Variants in GGH observed in about 807,000 individuals in gnomAD.
GGH encodes gamma-glutamyl hydrolase, also known as gamma-Glu-X carboxypeptidase.
A neutral mutation model predicts 39.2 loss-of-function variants in GGH; 18 were observed. The observed-to-expected ratio is 0.46, with a 90% confidence interval of 0.32 to 0.68. The LOEUF (loss-of-function observed/expected upper bound fraction) is 0.68, where lower values mean the gene tolerates loss of function less well. Among genes scored for constraint, GGH ranks in the 30% least tolerant of loss-of-function variants. The probability of loss-of-function intolerance (pLI) is 0.04; values close to 1 mark genes in which losing one functional copy is unlikely to be tolerated. For synonymous variants in GGH, 147 were observed against 138.8 expected (o/e 1.06, Z -0.42); for missense variants, 367 against 384.1 (o/e 0.96, Z 0.37).
At chr8:63,036,256 T>A (rs1425385915) in intron 1 of GGH, among the ~76,000 whole-genome samples, 3 of 152,182 alleles carry the variant, frequency 2.0e-5, no homozygotes, top group African/African-American at 7.2e-5. Flanking sequence ...AAGGTCTTGT[T>A]ATATCTTTTC....
intron 8 of GGH, among the ~76,000 whole-genome samples, chr8:63,016,584 C>T (rs985083525): frequency 2.6e-5 from 4 of 152,182 alleles, no homozygotes; most frequent in African/African-American, 9.7e-5. Context: ...TTAACGTCAT[C>T]GATAGGTTCT....
At chr8:63,019,072 A>G (rs1804539898) in intron 7 of GGH, among the ~76,000 whole-genome samples, 1 of 152,204 alleles carries the variant, frequency 6.6e-6, no homozygotes, top group Non-Finnish European at 1.5e-5. Context: ...TGAAGCTTGG[A>G]TGGAAGAATG....
chr8:63,029,809 A>G (rs763500223), intron 3 of GGH, among the ~76,000 whole-genome samples: 1 of 152,136 alleles, frequency 6.6e-6, no homozygotes, highest in Non-Finnish European at 1.5e-5. Context: ...AAAAAAATCA[A>G]CATCCTCAGA....
rs1042931221 is a variant in GGH, at chr8:63,034,029, T to C, written c.224+1627A>G. Reference sequence around the variant, plus strand: ...TCTCCTTATATATATATATAATATATATAAAAATATATATATATTTTTATA... The same window carrying C: ...TCTCCTTATATATATATATAATATACATAAAAATATATATATATTTTTATA... On this transcript the variant is annotated intron_variant, in intron 2 of 8. Coordinates refer to ENST00000260118, the MANE Select transcript of GGH (RefSeq NM_003878.3). Among the ~76,000 whole-genome samples, 4 of 146,318 alleles carry C rather than the reference T, an allele frequency of 2.7e-5. No homozygotes were observed. The East Asian group carries it at 7.8e-4, about 29-fold the overall frequency.
At position 63,023,912 on chromosome 8, in the gene GGH, A is replaced by C. The variant is rs1804638689; in HGVS notation, c.692T>G (p.Met231Arg). ...TDGKIEFIST[M>R]EGYKYPVYGV... Reference sequence around the variant, plus strand: ...TACATGTTATAGTGATATACCTTCCATTGTTGAAATAAACTCAATCTTGCC... The same window carrying C: ...TACATGTTATAGTGATATACCTTCCCTTGTTGAAATAAACTCAATCTTGCC... Residue 231 changes from methionine to arginine, a missense_variant, in exon 7 of 9, where the codon ATG (methionine) becomes AGG (arginine). Coordinates refer to ENST00000260118, the MANE Select transcript of GGH (RefSeq NM_003878.3). 6.4e-7 allele frequency: 1 copy of C among 1,569,792 alleles called. No individual in the cohort carries two copies. The highest frequency in any genetic ancestry group is 1.4e-5 in the African/African-American group (1 of 73,334).
chr8:63,022,478 C>G (rs1456969859), intron 7 of GGH, among the ~76,000 whole-genome samples: 1 of 147,118 alleles, frequency 6.8e-6, no homozygotes, highest in African/African-American at 2.6e-5. Flanking sequence ...ATCTTCTATT[C>G]TAGTTCATTA....
Position 63,027,250 on chromosome 8 carries a change from T to C in GGH, c.291A>G (p.Gly97=), listed in dbSNP as rs147855753. The change falls in exon 4 of 9, where the codon GGA becomes GGG. Residue 97 remains glycine, a synonymous_variant. Transcript: ENST00000260118. ...FKSINGILFP[G]GSVDLRRSDY... ...CTGAGCGTCTGAGGTCAACACTTCC[T>C]CCAGGGAAAAGGATTCTGAAACAAC... The C allele has an allele frequency of 6.3e-7, 1 of 1,594,470 alleles. No homozygotes were observed. Among genetic ancestry groups the C allele is most frequent in the Non-Finnish European group, 8.6e-7 (1 of 1,162,394 alleles).
At chr8:63,025,764 CA>C (rs546635911) in intron 5 of GGH, among the ~76,000 whole-genome samples, 6 of 151,502 alleles carry the variant, frequency 4.0e-5, no homozygotes, top group East Asian at 1.9e-4. Flanking sequence ...TTAATATTCA[CA>C]AAAAAAACCC....
chr8:63,019,101 T>C lies in GGH; in HGVS notation c.698-1471A>G, dbSNP rs1018062985. Among the ~76,000 whole-genome samples the C allele has an allele frequency of 9.9e-5, 15 of 152,176 alleles. No individual in the cohort carries two copies. In the East Asian group the frequency reaches 2.7e-3, roughly 27 times the overall value. ...AAGAATGGTAAAACCGCTGATGCTTTACAAAAAATTTATGGGGATAATGTC... is the reference window on the plus strand; with the variant it reads ...AAGAATGGTAAAACCGCTGATGCTTCACAAAAAATTTATGGGGATAATGTC... On this transcript the variant is annotated intron_variant, in intron 7 of 8. Coordinates refer to ENST00000260118, the MANE Select transcript of GGH (RefSeq NM_003878.3).
intron 3 of GGH, 35 bp downstream of exon 3, chr8:63,030,132 T>A: frequency 2.1e-6 from 2 of 935,054 alleles, no homozygotes; most frequent in Non-Finnish European, 3.5e-6. Context: ...TGTAGACCAC[T>A]CATATACCGT....
In GGH at chr8:63,017,533, C is replaced by T. The variant is rs1804507294; in HGVS notation, c.795G>A (p.Val265=). ...ACTCTGCTAAATAAAATGCGGTTTT[C>T]ACAGCATTAGGTGCATGGGAAATGC... ...LDGISHAPNA[V]KTAFYLAEFF... Residue 265 remains valine (V), a synonymous_variant, in exon 8 of 9, where the codon GTG becomes GTA. Transcript: ENST00000260118. 6.2e-7 allele frequency: 1 copy of T among 1,611,274 alleles called. No homozygotes were observed. The highest frequency in any genetic ancestry group is 8.5e-7 in the Non-Finnish European group (1 of 1,178,246).
At chr8:63,017,298 G>C (rs1017448958) in intron 8 of GGH, 195 bp downstream of exon 8, 1 of 474,236 alleles carries the variant, frequency 2.1e-6, no homozygotes, top group Non-Finnish European at 3.7e-6. Flanking sequence ...TGAAGTAACT[G>C]TCCTGGTTTT....
chr8:63,033,226 C>T (rs1046918098), intron 2 of GGH, among the ~76,000 whole-genome samples: 6 of 152,190 alleles, frequency 3.9e-5, no homozygotes, highest in Admixed American at 1.3e-4. Context: ...GATAAAAATA[C>T]ACTGACACAT....
At chr8:63,036,016 G>C (rs1287558270) in intron 1 of GGH, among the ~76,000 whole-genome samples, 1 of 152,094 alleles carries the variant, frequency 6.6e-6, no homozygotes, top group Non-Finnish European at 1.5e-5. Flanking sequence ...GCTTACAATA[G>C]CACTTGCAGC....
chr8:63,017,107 CCT>C (rs1199371387), intron 8 of GGH, among the ~76,000 whole-genome samples: 3 of 152,104 alleles, frequency 2.0e-5, no homozygotes, highest in Non-Finnish European at 4.4e-5. Context: ...AGGAGGATCC[CCT>C]GAGCCCAGGA....
intron 8 of GGH, 99 bp downstream of exon 8, chr8:63,017,394 C>T: frequency 1.4e-6 from 1 of 727,256 alleles, no homozygotes; most frequent in Admixed American, 2.5e-5. Flanking sequence ...ATAGAACTTA[C>T]AAAACATTTA....
In GGH at chr8:63,024,066, A is replaced by G; in HGVS notation, c.606+14T>C. On this transcript the variant is annotated intron_variant, in intron 6 of 8. Transcript: ENST00000260118. ...TCTAAACATATTAATTTCATTGTGT[A>G]ATTAGTGTGATACCTTCACGGAGAG... 1 of 1,561,024 alleles carries G rather than the reference A, an allele frequency of 6.4e-7. No homozygotes were observed.
intron 2 of GGH, among the ~76,000 whole-genome samples, chr8:63,035,101 T>C (rs1227132928): frequency 6.6e-6 from 1 of 152,052 alleles, no homozygotes; most frequent in Non-Finnish European, 1.5e-5. Context: ...TTTTCTGGGA[T>C]AAAGGAAACT....
intron 5 of GGH, chr8:63,024,866 T>G (rs188365640): frequency 4.9e-4 from 75 of 152,300 alleles, no homozygotes; most frequent in African/African-American, 1.7e-3. Context: ...ATAAACTGAG[T>G]TCTGGCAACA....
Sources: gnomAD v4.1 joint callset for allele counts (sites outside exome capture counted in the v4.1 genomes callset) on GRCh38, gnomAD v4.1.1 for gene constraint, MANE v1.5 for transcripts, NCBI Gene and HGNC (gene_info 2026-07-23, HGNC 2026-07-21) for gene names.